Variants in FARP2 observed in about 807,000 individuals in gnomAD.
FARP2 encodes FERM, ARHGEF and pleckstrin domain-containing protein 2.
A neutral mutation model predicts 130.5 loss-of-function variants in FARP2; 111 were observed. That is an observed-to-expected ratio of 0.85 (90% CI 0.73 to 1.00). The LOEUF (loss-of-function observed/expected upper bound fraction) is 1.00. FARP2 is among the 50% of genes least tolerant of loss of function. FARP2 has a pLI of 0.00. For synonymous variants in FARP2, 504 were observed against 516.9 expected, an observed-to-expected ratio of 0.98 and a Z score of 0.34; for missense variants, 1,385 against 1,346.3, an observed-to-expected ratio of 1.03 and a Z score of -0.45.
Position 241,436,501 on chromosome 2 carries a change from C to G in FARP2, c.1121C>G (p.Thr374Arg), listed in dbSNP as rs747727028. The G allele has an allele frequency of 1.2e-6, 2 of 1,614,216 alleles. No individual in the cohort carries two copies. Among genetic ancestry groups the G allele is most frequent in the South Asian group, 1.1e-5 (1 of 91,084 alleles). Reference protein sequence around the residue: ...PYERRHSKTHTSVRALTADLP... With the variant: ...PYERRHSKTHRSVRALTADLP... The stretch of plus-strand genomic sequence containing the variant: ...TGCAGAAGGCACAGCAAGACCCACA[C>G]GTCCGTTCGAGCTCTGACTGCAGAC... Residue 374 changes from threonine (T) to arginine (R), a missense_variant, in exon 12 of 27, where the codon ACG becomes AGG. By Grantham distance (71) the Thr-to-Arg change is moderately conservative. Coordinates refer to ENST00000264042, the MANE Select transcript of FARP2 (RefSeq NM_014808.4).
rs990426669 is a variant in FARP2, at chr2:241,482,357, G to A, written c.2263-1108G>A. Among the ~76,000 whole-genome samples, 1 of 152,180 alleles carries A rather than the reference G, an allele frequency of 6.6e-6. No homozygotes were observed. The highest frequency in any genetic ancestry group is 2.4e-5 in the African/African-American group (1 of 41,442). ...TGGAGAGGGGGCTGCTGCTTAGCCAGTGCTGGGGTCTCTGAGGGTGATGCT... is the reference window on the plus strand; with the variant it reads ...TGGAGAGGGGGCTGCTGCTTAGCCAATGCTGGGGTCTCTGAGGGTGATGCT... On this transcript the variant is annotated intron_variant, in intron 19 of 26. Coordinates refer to ENST00000264042, the MANE Select transcript of FARP2 (RefSeq NM_014808.4). The surrounding 1 kb of genome is among the most constrained non-coding windows in gnomAD (Gnocchi z 4.6).
intron 8 of FARP2, among the ~76,000 whole-genome samples, chr2:241,420,824 A>C (rs1376478749): frequency 6.6e-6 from 1 of 152,168 alleles, no homozygotes; most frequent in Non-Finnish European, 1.5e-5. Context: ...TCCATCATCC[A>C]CAGAGTTATG....
At chr2:241,436,788 C>T (rs1400588241) in intron 12 of FARP2, among the ~76,000 whole-genome samples, 3 of 152,170 alleles carry the variant, frequency 2.0e-5, no homozygotes, top group Non-Finnish European at 4.4e-5. Flanking sequence ...AATTCGAGAC[C>T]AGCCTGGGCA....
At chr2:241,420,334 G>A (rs1043155482) in intron 8 of FARP2, among the ~76,000 whole-genome samples, 3 of 152,110 alleles carry the variant, frequency 2.0e-5, no homozygotes, top group Non-Finnish European at 2.9e-5. Flanking sequence ...TGCTTGTGGG[G>A]AAAAGAGAGA....
intron 2 of FARP2, among the ~76,000 whole-genome samples, chr2:241,381,599 T>G (rs1268558800): frequency 6.6e-6 from 1 of 152,176 alleles, no homozygotes; most frequent in Non-Finnish European, 1.5e-5. Flanking sequence ...GGGGGCATTT[T>G]TCAGTCATAT....
intron 2 of FARP2, among the ~76,000 whole-genome samples, chr2:241,394,003 A>G (rs2061969491): frequency 6.6e-6 from 1 of 152,216 alleles, no homozygotes; most frequent in Non-Finnish European, 1.5e-5. Context: ...CAGGAAGCAC[A>G]GTGTGATGGC....
chr2:241,368,287 G>A (rs563847163), intron 1 of FARP2, among the ~76,000 whole-genome samples: 1 of 152,160 alleles, frequency 6.6e-6, no homozygotes, highest in Admixed American at 6.5e-5. Flanking sequence ...AATAAGCTGA[G>A]TCCCCCACAG....
intron 2 of FARP2, among the ~76,000 whole-genome samples, chr2:241,385,965 T>C (rs1255614769): frequency 6.6e-6 from 1 of 152,202 alleles, no homozygotes; most frequent in Non-Finnish European, 1.5e-5. Flanking sequence ...CCTCCTGTAA[T>C]TTTTATTTTA....
intron 1 of FARP2, among the ~76,000 whole-genome samples, chr2:241,371,125 G>T (rs2061415489): frequency 6.6e-6 from 1 of 152,190 alleles, no homozygotes; most frequent in Non-Finnish European, 1.5e-5. Flanking sequence ...TGTGGGTAAG[G>T]TTTAAGTGTA....
intron 2 of FARP2, among the ~76,000 whole-genome samples, chr2:241,397,791 C>A (rs149983787): frequency 1.3e-5 from 2 of 149,620 alleles, no homozygotes; most frequent in Admixed American, 1.3e-4. Flanking sequence ...TGTGAAAGAT[C>A]AATTTTCATG....
chr2:241,456,770 C>G lies in FARP2; in HGVS notation c.1435C>G (p.Pro479Ala). The G allele has an allele frequency of 6.2e-7, 1 of 1,614,170 alleles. No homozygotes were observed. Among genetic ancestry groups the G allele is most frequent in the Non-Finnish European group, 8.5e-7 (1 of 1,180,032 alleles). ...AGGCCTTTCCACGAAGAGTCCTCAGCCTTCTCCCTCCAGCCGGAAGAGCCC... is the reference window on the plus strand; with the variant it reads ...AGGCCTTTCCACGAAGAGTCCTCAGGCTTCTCCCTCCAGCCGGAAGAGCCC... ...GPGLSTKSPQ[P>A]SPSSRKSPLS... The change falls in exon 14 of 27, where the codon CCT becomes GCT. Residue 479 changes from proline (P) to alanine (A), a missense_variant. By Grantham distance (27) the Pro-to-Ala change is conservative. Coordinates refer to ENST00000264042, the MANE Select transcript of FARP2 (RefSeq NM_014808.4).
At position 241,415,697 on chromosome 2, in the gene FARP2, T is replaced by C. The variant is rs368579022; in HGVS notation, c.624-2265T>C. ...GCAGGAGGAGGCACCCACAAGAGCC[T>C]TTAGCAGCCAGAAGCATGGAAGGGC... is the stretch of plus-strand genomic sequence containing the variant. On this transcript the variant is annotated intron_variant, in intron 7 of 26. Transcript: ENST00000264042. 3.3e-5 allele frequency among the ~76,000 whole-genome samples: 5 copies of C among 152,168 alleles called. No individual in the cohort carries two copies. In the East Asian group the frequency reaches 9.6e-4, roughly 29 times the overall value.
chr2:241,475,774 T>C lies in FARP2; in HGVS notation c.2132-83T>C. The stretch of plus-strand genomic sequence containing the variant: ...TAATTAGAACTGCCTTTTAGAATGC[T>C]GGTTCCTGTCACAAGGTGGTGGGTG... On this transcript the variant is annotated intron_variant, in intron 18 of 26. Transcript: ENST00000264042. This position sits in a 1 kb window ranked among gnomAD's most constrained non-coding sequence, Gnocchi z 4.4. 1 of 1,271,524 alleles carries C rather than the reference T, an allele frequency of 7.9e-7. No homozygotes were observed. The highest frequency in any genetic ancestry group is 1.0e-6 in the Non-Finnish European group (1 of 955,272). The allele number at this position is 1,271,524 out of a possible 1,614,324, so 78.8% of individuals were successfully genotyped here.
chr2:241,398,390 A>G (rs982051457), intron 2 of FARP2, among the ~76,000 whole-genome samples: 1 of 152,168 alleles, frequency 6.6e-6, no homozygotes, highest in African/African-American at 2.4e-5. Context: ...AGGTACATGA[A>G]TACAATATGT....
chr2:241,415,989 CTGTGTGTGTGTGTGTGTGTG>C (rs57774022), intron 7 of FARP2, among the ~76,000 whole-genome samples: 28,387 of 141,748 alleles, frequency 0.2, 3,005 homozygotes, highest in Middle Eastern at 0.35. Context: ...CAGGGTAGTT[CTGTGTGTGTGTGTGTGTGTG>C]TGTGTGTGTG....
In FARP2 at chr2:241,489,857, C is replaced by T; in HGVS notation, c.2422-105C>T. On this transcript the variant is annotated intron_variant, in intron 21 of 26. Coordinates refer to ENST00000264042, the MANE Select transcript of FARP2 (RefSeq NM_014808.4). The stretch of plus-strand genomic sequence containing the variant: ...TGTGCACTTGGACAGCACTGGGCTT[C>T]CAAGCCCCACCTAGCATTGCCAGCA... 7 of 743,514 alleles carry T rather than the reference C, an allele frequency of 9.4e-6. No homozygotes were observed. In the Admixed American group the frequency reaches 1.4e-4, roughly 15 times the overall value. The allele number at this position is 743,514 out of a possible 1,614,324, so 46.1% of individuals were successfully genotyped here.
intron 2 of FARP2, among the ~76,000 whole-genome samples, chr2:241,393,291 A>G (rs1031610272): frequency 1.3e-5 from 2 of 152,256 alleles, no homozygotes; most frequent in Middle Eastern, 3.4e-3. Flanking sequence ...AAGTGCTGGG[A>G]TGAAAGACGT....
chr2:241,472,157 CCCTGTTCTTAGGGGGAT>C (rs2064337427), intron 18 of FARP2, among the ~76,000 whole-genome samples: 9 of 148,456 alleles, frequency 6.1e-5, no homozygotes, highest in Non-Finnish European at 1.2e-4. Context: ...TCTGAGGGGA[CCCTGTTCTTAGGGGGAT>C]CCTGTTCTGA....
In FARP2 at chr2:241,411,045, C is replaced by T. The variant is rs1424665205; in HGVS notation, c.423C>T (p.Ala141=). 1.2e-5 allele frequency: 20 copies of T among 1,608,934 alleles called. No homozygotes were observed. Among genetic ancestry groups the T allele is most frequent in the Admixed American group, 3.4e-5 (2 of 59,608 alleles). Residue 141 remains alanine (A), a synonymous_variant, in exon 6 of 27, where the codon GCC becomes GCT. Transcript: ENST00000264042. ...AACTCTCTTCTAGATACTTGTTTGC[C>T]TTGCAACTTAAGAGAGACCTGCTGG... is the stretch of plus-strand genomic sequence containing the variant. ...LQEEYTRYLF[A]LQLKRDLLEE...
Sources: allele counts gnomAD v4.1 joint callset (sites outside exome capture counted in the v4.1 genomes callset), GRCh38; gene constraint gnomAD v4.1.1; non-coding constraint Gnocchi (gnomAD v3.1); transcripts MANE v1.5; gene names NCBI Gene and HGNC (gene_info 2026-07-23, HGNC 2026-07-21).